Variants in LRIG1 observed in about 807,000 individuals in gnomAD.
LRIG1 encodes leucine-rich repeats and immunoglobulin-like domains protein 1.
A neutral mutation model predicts 99.2 loss-of-function variants in LRIG1; 48 were observed. The ratio of observed to expected loss-of-function variants is 0.48; its 90% CI spans 0.38 to 0.62. The LOEUF is 0.62. Among genes scored for constraint, LRIG1 ranks in the 20% least tolerant of loss-of-function variants. The probability of loss-of-function intolerance (pLI) is 0.00; values close to 1 mark genes in which losing one functional copy is unlikely to be tolerated. For synonymous variants in LRIG1, 772 were observed against 596.1 expected, an observed-to-expected ratio of 1.29 and a Z score of -4.30; for missense variants, 1,646 against 1,434.4, an observed-to-expected ratio of 1.15 and a Z score of -2.38.
chr3:66,447,068 T>C (rs1703755202), intron 3 of LRIG1, among the ~76,000 whole-genome samples: 1 of 152,166 alleles, frequency 6.6e-6, no homozygotes, highest in Non-Finnish European at 1.5e-5. Flanking sequence ...AGTTCATTTT[T>C]TTAAATTTTC....
chr3:66,410,929 C>T (rs1262258378), intron 6 of LRIG1, among the ~76,000 whole-genome samples: 2 of 152,232 alleles, frequency 1.3e-5, no homozygotes, highest in Admixed American at 1.3e-4. Context: ...GACTCTGTGC[C>T]ACTGTGCTAG....
At chr3:66,468,116 C>T (rs1220485210) in intron 1 of LRIG1, among the ~76,000 whole-genome samples, 4 of 152,200 alleles carry the variant, frequency 2.6e-5, no homozygotes, top group Non-Finnish European at 5.9e-5. Context: ...TCCTGGATTA[C>T]AACCAGAACC....
intron 1 of LRIG1, among the ~76,000 whole-genome samples, chr3:66,487,810 A>G (rs1430356769): frequency 6.6e-6 from 1 of 152,210 alleles, no homozygotes; most frequent in Non-Finnish European, 1.5e-5. Context: ...GAAAAAGGTC[A>G]TCTTTGGTTC....
chr3:66,417,177 G>C lies in LRIG1; in HGVS notation c.455C>G (p.Thr152Arg), dbSNP rs61751733. Reference protein sequence around the residue: ...EVLDLSLNNITEVRNTCFPHG... With the variant: ...EVLDLSLNNIREVRNTCFPHG... ...TGGAAAGCAGGTGTTCCGCACTTCC[G>C]TGATGTTGTTCAAACTCAGATCTAA... The change falls in exon 4 of 19, where the codon ACG becomes AGG. Residue 152 changes from threonine to arginine, a missense_variant. By Grantham distance (71) the Thr-to-Arg change is moderately conservative. Coordinates refer to ENST00000273261, the MANE Select transcript of LRIG1 (RefSeq NM_015541.3). 2.0e-3 allele frequency: 3,192 copies of C among 1,614,190 alleles called. 7 individuals carry two copies. The highest frequency in any genetic ancestry group is 2.5e-3 in the Non-Finnish European group (2,938 of 1,180,022).
At chr3:66,469,444 C>G (rs1700547788) in intron 1 of LRIG1, among the ~76,000 whole-genome samples, 1 of 152,180 alleles carries the variant, frequency 6.6e-6, no homozygotes, top group Admixed American at 6.5e-5. Flanking sequence ...GACTCATTGC[C>G]TATTTTTACT....
At chr3:66,433,445 A>C (rs1703245579) in intron 3 of LRIG1, among the ~76,000 whole-genome samples, 1 of 152,188 alleles carries the variant, frequency 6.6e-6, no homozygotes, top group Admixed American at 6.5e-5. Flanking sequence ...ATTCCCTGAG[A>C]TTCACATGCC....
At chr3:66,455,633 T>C (rs984096469) in intron 2 of LRIG1, among the ~76,000 whole-genome samples, 5 of 152,204 alleles carry the variant, frequency 3.3e-5, no homozygotes, top group Non-Finnish European at 7.3e-5. Flanking sequence ...AGAGCTGCAA[T>C]TAATAGTAGT....
Position 66,410,144 on chromosome 3 carries a change from T to C in LRIG1, c.920A>G (p.Gln307Arg), listed in dbSNP as rs750964623. Residue 307 changes from glutamine to arginine, a missense_variant, in exon 7 of 19, where the codon CAG becomes CGG. Gln to Arg is a conservative substitution (Grantham distance 43). Coordinates refer to ENST00000273261, the MANE Select transcript of LRIG1 (RefSeq NM_015541.3). ...GGACACTTACAACTCATGCAGCTTC[T>C]GGCAGAAGCTCCAGCCCTTGCGGTG... ...RIHRKGWSFC[Q>R]KLHELVLSFN... 14 of 1,613,046 alleles carry C rather than the reference T, an allele frequency of 8.7e-6. No homozygotes were observed. In the Admixed American group the frequency reaches 2.0e-4, roughly 23 times the overall value.
intron 5 of LRIG1, among the ~76,000 whole-genome samples, chr3:66,413,555 G>T (rs1376110751): frequency 6.6e-6 from 1 of 152,184 alleles, no homozygotes; most frequent in East Asian, 1.9e-4. Context: ...GGGAGATGGG[G>T]TAGAGACACC....
In LRIG1 at chr3:66,382,226, A is replaced by T. The variant is rs758977526; in HGVS notation, c.2617+47T>A. Reference sequence around the variant, plus strand: ...CCTGGAGGCCACCTCCAGCACCCAGAGACACAGTCACAGCAGAGCTCTGCT... The same window carrying T: ...CCTGGAGGCCACCTCCAGCACCCAGTGACACAGTCACAGCAGAGCTCTGCT... On this transcript the variant is annotated intron_variant, in intron 16 of 18. Transcript: ENST00000273261. 1.9e-6 allele frequency: 3 copies of T among 1,608,012 alleles called. No individual in the cohort carries two copies. In the South Asian group the frequency reaches 3.3e-5, roughly 18 times the overall value.
Position 66,394,037 on chromosome 3 carries a change from T to TA in LRIG1, c.1468+2dup. ...AGAGAAAAAGTTACAAAGACAGTCT[T>TA]ACCGCACACGAAACTCTCTGGTGGC... On this transcript the variant is annotated splice_region_variant and intron_variant, in intron 12 of 18. Coordinates refer to ENST00000273261, the MANE Select transcript of LRIG1 (RefSeq NM_015541.3). The TA allele has an allele frequency of 6.2e-7, 1 of 1,613,926 alleles. No homozygotes were observed. Among genetic ancestry groups the TA allele is most frequent in the Non-Finnish European group, 8.5e-7 (1 of 1,179,954 alleles).
intron 1 of LRIG1, among the ~76,000 whole-genome samples, chr3:66,474,262 A>T (rs1351409745): frequency 6.6e-6 from 1 of 152,168 alleles, no homozygotes; most frequent in Non-Finnish European, 1.5e-5. Flanking sequence ...CTAGGCCACA[A>T]CACACTTTTA....
rs1022163061 is a variant in LRIG1 at position 66,416,725 on chromosome 3, T to TA, written c.503+403dup. On this transcript the variant is annotated intron_variant, in intron 4 of 18. Transcript: ENST00000273261. ...TAAGCACTGATAAGCTAAGCCCTGTTAGACAGGCTTCCAATGTGAATCCTC... is the reference window on the plus strand; with the variant it reads ...TAAGCACTGATAAGCTAAGCCCTGTTAAGACAGGCTTCCAATGTGAATCCTC... Among the ~76,000 whole-genome samples, 99 of 152,340 alleles carry TA rather than the reference T, an allele frequency of 6.5e-4. 1 individual carries two copies. Among genetic ancestry groups the TA allele is most frequent in the African/African-American group, 2.3e-3 (95 of 41,580 alleles).
intron 7 of LRIG1, among the ~76,000 whole-genome samples, chr3:66,408,962 G>GTGTGTGTGTGTGTGTGTGTGTGTGTGT (rs1553715390): frequency 9.7e-6 from 1 of 103,078 alleles, no homozygotes; most frequent in East Asian, 3.3e-4. Flanking sequence ...GTGTGTGTGT[G>GTGTGTGTGTGTGTGTGTGTGTGTGTGT]GTGGGGGGAG....
intron 4 of LRIG1, among the ~76,000 whole-genome samples, chr3:66,416,044 C>T (rs1398040269): frequency 1.3e-5 from 2 of 152,202 alleles, no homozygotes; most frequent in Admixed American, 1.3e-4. Flanking sequence ...GTTCTCAACA[C>T]CTCAGATTAA....
Position 66,410,213 on chromosome 3 carries a change from G to T in LRIG1, c.851C>A (p.Ala284Asp). The T allele has an allele frequency of 6.2e-7, 1 of 1,614,102 alleles. No homozygotes were observed. The highest frequency in any genetic ancestry group is 8.5e-7 in the Non-Finnish European group (1 of 1,179,932). Reference protein sequence around the residue: ...VNSGSLYGLTALHQLHLSNNS... With the variant: ...VNSGSLYGLTDLHQLHLSNNS... ...GTTGCTGAGGTGGAGCTGATGCAGGGCCGTGAGGCCGTAGAGCGAGCCGCT... is the reference window on the plus strand; with the variant it reads ...GTTGCTGAGGTGGAGCTGATGCAGGTCCGTGAGGCCGTAGAGCGAGCCGCT... The change falls in exon 7 of 19, where the codon GCC (alanine) becomes GAC (aspartate). Residue 284 changes from alanine to aspartate, a missense_variant. Transcript: ENST00000273261.
At chr3:66,387,026 G>C (rs1340077855) in intron 12 of LRIG1, 2 of 149,610 alleles carry the variant, frequency 1.3e-5, no homozygotes, top group Non-Finnish European at 1.5e-5. Flanking sequence ...CTATCTGGCA[G>C]CAACACGGAA....
intron 1 of LRIG1, among the ~76,000 whole-genome samples, chr3:66,482,736 G>C (rs1299667782): frequency 1.3e-5 from 2 of 152,180 alleles, no homozygotes; most frequent in African/African-American, 4.8e-5. Context: ...CCCAATATCA[G>C]AGAAACTTTA....
At chr3:66,430,673 G>A (rs752343997) in intron 3 of LRIG1, among the ~76,000 whole-genome samples, 2 of 152,146 alleles carry the variant, frequency 1.3e-5, no homozygotes, top group Admixed American at 6.5e-5. Context: ...ATGTCCACAC[G>A]GAGGTCAGCT....
Sources: gnomAD v4.1 joint callset for allele counts (sites outside exome capture counted in the v4.1 genomes callset) on GRCh38, gnomAD v4.1.1 for gene constraint, MANE v1.5 for transcripts, NCBI Gene and HGNC (gene_info 2026-07-23, HGNC 2026-07-21) for gene names.